SPHK2: variants seen among roughly 807,000 people sequenced by gnomAD.
SPHK2 encodes sphingosine kinase 2.
A neutral mutation model predicts 32.3 loss-of-function variants in SPHK2; 18 were observed. The observed-to-expected ratio is 0.56, with a 90% CI of 0.39 to 0.83. The LOEUF (loss-of-function observed/expected upper bound fraction) is 0.83, where lower values mean the gene tolerates loss of function less well. Ranked by LOEUF, SPHK2 falls within the 40% of genes least tolerant of loss-of-function variation. The pLI is 0.00. For missense variants in SPHK2, 850 were observed against 908.7 expected, an observed-to-expected ratio of 0.94 and a Z score of 0.83; for synonymous variants, 462 against 417.6, an observed-to-expected ratio of 1.11 and a Z score of -1.30.
intron 2 of SPHK2, chr19:48,625,373 G>C: frequency 8.7e-7 from 1 of 1,152,688 alleles, no homozygotes; most frequent in Non-Finnish European, 1.1e-6. Flanking sequence ...TGATTGTTTT[G>C]CTGTTTTACC....
At chr19:48,622,757 C>CTTTTTTTTTTTTT (rs779108312) in intron 2 of SPHK2, among the ~76,000 whole-genome samples, 1 of 108,546 alleles carries the variant, frequency 9.2e-6, no homozygotes, top group Non-Finnish European at 1.9e-5. Context: ...ATTTGTCTCT[C>CTTTTTTTTTTTTT]TTTTTTTTTT....
chr19:48,630,321 T>C lies in SPHK2; in HGVS notation c.*548T>C. 7.7e-7 allele frequency: 1 copy of C among 1,305,910 alleles called. No individual in the cohort carries two copies. The highest frequency in any genetic ancestry group is 9.7e-7 in the Non-Finnish European group (1 of 1,028,274). The allele number at this position is 1,305,910 out of a possible 1,614,324, so 80.9% of individuals were successfully genotyped here. A position where few individuals can be genotyped will look rare whatever the true frequency, so the allele number is the denominator to read the frequency against. On this transcript the variant is annotated 3_prime_UTR_variant, in exon 7 of 7. Coordinates refer to ENST00000245222, the MANE Select transcript of SPHK2 (RefSeq NM_020126.5). The surrounding 1 kb of genome is among the most constrained non-coding windows in gnomAD (Gnocchi z 4.9). ...GGGGCGGGGAAATTCATATCCCCTG[T>C]TCGTCTCATGCGCGTCCTCCGTCCC... is the stretch of plus-strand genomic sequence containing the variant.
chr19:48,629,727 G>C lies in SPHK2; in HGVS notation c.1919G>C (p.Gly640Ala), dbSNP rs1159402494. 6.2e-7 allele frequency: 1 copy of C among 1,602,800 alleles called. No homozygotes were observed. Residue 640 changes from glycine (G) to alanine (A), a missense_variant, in exon 7 of 7, where the codon GGT (glycine) becomes GCT (alanine). By Grantham distance (60) the Gly-to-Ala change is moderately conservative (BLOSUM62 0). Transcript: ENST00000245222. The part of the protein sequence containing the change: ...PLQAQMHPGI[G>A]TLLTGPPGCP... ...CAGGCACAGATGCACCCTGGCATCG[G>C]TACACTGCTCACTGGGCCTCCTGGC... is the stretch of plus-strand genomic sequence containing the variant.
At chr19:48,620,866 G>A in intron 2 of SPHK2, 2 of 253,054 alleles carry the variant, frequency 7.9e-6, no homozygotes, top group South Asian at 9.3e-5. Context: ...AGAGGTTGCA[G>A]TGAGCCGAGA....
Position 48,627,759 on chromosome 19 carries a change from G to A in SPHK2, c.579G>A (p.Arg193=). The change falls in exon 4 of 7, where the codon CGG becomes CGA. Residue 193 remains arginine (R), a synonymous_variant. Coordinates refer to ENST00000245222, the MANE Select transcript of SPHK2 (RefSeq NM_020126.5). ...LLLLVNPFGG[R]GLAWQWCKNH... The stretch of plus-strand genomic sequence containing the variant: ...TATTGGTCAATCCCTTTGGGGGTCG[G>A]GGCCTGGCCTGGCAGTGGTGTAAGA... 1 of 1,613,922 alleles carries A rather than the reference G, an allele frequency of 6.2e-7. No homozygotes were observed. The highest frequency in any genetic ancestry group is 8.5e-7 in the Non-Finnish European group (1 of 1,179,926).
chr19:48,629,679 AGC>A lies in SPHK2; in HGVS notation c.1872_1873del (p.Gln625GlyfsTer91). The A allele has an allele frequency of 1.2e-6, 2 of 1,608,388 alleles. No individual in the cohort carries two copies. Among genetic ancestry groups the A allele is most frequent in the Non-Finnish European group, 1.7e-6 (2 of 1,178,070 alleles). ...CGCGGCGTGCTCACAGTGGACGGGG[AGC>A]AGGTGGAGTATGGGCCGCTACAGGC... On this transcript the variant is annotated frameshift_variant, in exon 7 of 7. Coordinates refer to ENST00000245222, the MANE Select transcript of SPHK2 (RefSeq NM_020126.5). LOFTEE classifies it high-confidence loss of function.
In SPHK2 at chr19:48,628,214, C is replaced by A; in HGVS notation, c.809C>A (p.Pro270His). The part of the protein sequence containing the change: ...RPDWEEAVKM[P>H]VGILPCGSGN... Reference sequence around the variant, plus strand: ...GACTGGGAGGAAGCTGTGAAGATGCCTGTGGGCATCCTCCCCTGCGGCTCG... The same window carrying A: ...GACTGGGAGGAAGCTGTGAAGATGCATGTGGGCATCCTCCCCTGCGGCTCG... The change falls in exon 6 of 7, where the codon CCT becomes CAT. Residue 270 changes from proline to histidine, a missense_variant. Around this residue, in one of 2 missense-constraint regions of SPHK2, gnomAD observed 544 missense variants for 640.0 expected, o/e 0.85. Transcript: ENST00000245222. The surrounding 1 kb of genome is among the most constrained non-coding windows in gnomAD (Gnocchi z 5.2). 1.2e-6 allele frequency: 2 copies of A among 1,613,828 alleles called. No homozygotes were observed. The highest frequency in any genetic ancestry group is 1.7e-6 in the Non-Finnish European group (2 of 1,179,960).
intron 1 of SPHK2, 61 bp from the exon 2 acceptor site, chr19:48,620,341 C>G: frequency 1.8e-6 from 1 of 549,680 alleles, no homozygotes; most frequent in African/African-American, 1.9e-5. Context: ...GCACATTGAG[C>G]CTGGAAGGGC....
chr19:48,628,644 C>T lies in SPHK2; in HGVS notation c.873-37C>T, dbSNP rs369738114. The T allele has an allele frequency of 1.2e-4, 186 of 1,598,552 alleles. No homozygotes were observed. The Middle Eastern group carries it at 1.8e-3, about 16-fold the overall frequency. On this transcript the variant is annotated intron_variant, in intron 6 of 6. Transcript: ENST00000245222. This position sits in a 1 kb window ranked among gnomAD's most constrained non-coding sequence, Gnocchi z 5.2. ...CTCTTTCCCCAACCCCTGTTTGCTC[C>T]TTCCTTCTGTGTGTCCGTCCATCTC...
Position 48,628,794 on chromosome 19 carries a change from G to A in SPHK2, c.986G>A (p.Cys329Tyr). Residue 329 changes from cysteine to tyrosine, a missense_variant, in exon 7 of 7, where the codon TGT becomes TAT. This residue lies in a region of SPHK2 where 544 missense variants were observed against 640.0 expected (regional missense o/e 0.85). Transcript: ENST00000245222. This position sits in a 1 kb window ranked among gnomAD's most constrained non-coding sequence, Gnocchi z 5.2. Reference sequence around the variant, plus strand: ...GTGACGCTGGCCTCGGGCTCCCGCTGTTTCTCCTTCCTGTCTGTGGCCTGG... The same window carrying A: ...GTGACGCTGGCCTCGGGCTCCCGCTATTTCTCCTTCCTGTCTGTGGCCTGG... ...LSVTLASGSRCFSFLSVAWGF... is the reference protein window; with the variant it reads ...LSVTLASGSRYFSFLSVAWGF... The A allele has an allele frequency of 6.2e-7, 1 of 1,613,546 alleles. No individual in the cohort carries two copies. The highest frequency in any genetic ancestry group is 8.5e-7 in the Non-Finnish European group (1 of 1,180,006).
intron 2 of SPHK2, chr19:48,620,964 G>A (rs1974385126): frequency 6.1e-6 from 1 of 165,238 alleles, no homozygotes; most frequent in East Asian, 1.8e-4. Context: ...TGCCCAGGCT[G>A]GAAAGCAGTG....
chr19:48,624,940 G>T, intron 2 of SPHK2: 1 of 987,362 alleles, frequency 1.0e-6, no homozygotes, highest in African/African-American at 1.7e-5. Flanking sequence ...GCAGGTGGCT[G>T]GGCGGGGCAG....
intron 2 of SPHK2, chr19:48,620,962 C>A (rs1301937772): frequency 6.0e-6 from 1 of 165,878 alleles, no homozygotes; most frequent in African/African-American, 2.4e-5. Context: ...CTTGCCCAGG[C>A]TGGAAAGCAG....
rs1340571855 is a variant in SPHK2 at position 48,629,760 on chromosome 19, G to C, written c.1952G>C (p.Gly651Ala). 6.4e-7 allele frequency: 1 copy of C among 1,574,108 alleles called. No individual in the cohort carries two copies. The highest frequency in any genetic ancestry group is 8.6e-7 in the Non-Finnish European group (1 of 1,157,132). ...CTCACTGGGCCTCCTGGCTGCCCGG[G>C]GCGGGAGCCCTGAAACTAAACAAGC... is the stretch of plus-strand genomic sequence containing the variant. ...TLLTGPPGCP[G>A]REP The change falls in exon 7 of 7, where the codon GGG becomes GCG. Residue 651 changes from glycine to alanine, a missense_variant. Transcript: ENST00000245222.
At chr19:48,622,745 AC>A (rs1451232262) in intron 2 of SPHK2, among the ~76,000 whole-genome samples, 1 of 143,528 alleles carries the variant, frequency 7.0e-6, no homozygotes, top group African/African-American at 2.6e-5. Flanking sequence ...ACTTCTTCCT[AC>A]ATTTGTCTCT....
Position 48,629,032 on chromosome 19 carries a change from C to T in SPHK2, c.1224C>T (p.Ala408=). The T allele has an allele frequency of 6.2e-7, 1 of 1,613,442 alleles. No individual in the cohort carries two copies. The highest frequency in any genetic ancestry group is 8.5e-7 in the Non-Finnish European group (1 of 1,179,806). The change falls in exon 7 of 7, where the codon GCC becomes GCT. Residue 408 remains alanine (A), a synonymous_variant. Transcript: ENST00000245222. ...AGCTGACCCTAACCCCAGACCCAGC[C>T]CCGCCCATGGCCCACTCACCCCTGC... ...KSELTLTPDP[A]PPMAHSPLHR... is the part of the protein sequence containing the mutation.
At position 48,625,939 on chromosome 19, in the gene SPHK2, A is replaced by G; in HGVS notation, c.88A>G (p.Thr30Ala). 1 of 1,611,950 alleles carries G rather than the reference A, an allele frequency of 6.2e-7. No individual in the cohort carries two copies. Among genetic ancestry groups the G allele is most frequent in the Non-Finnish European group, 8.5e-7 (1 of 1,179,498 alleles). The part of the protein sequence containing the change: ...TGSWGHGPRS[T>A]LVRAKAMAPP... ...GAGCTGGGGCCACGGGCCTAGGAGCACCCTGGTCAGGGCTAAGGCCATGGC... is the reference window on the plus strand; with the variant it reads ...GAGCTGGGGCCACGGGCCTAGGAGCGCCCTGGTCAGGGCTAAGGCCATGGC... Residue 30 changes from threonine to alanine, a missense_variant, in exon 3 of 7, where the codon ACC (threonine) becomes GCC (alanine). Thr to Ala is a moderately conservative substitution (Grantham distance 58). Around this residue, in one of 2 missense-constraint regions of SPHK2, gnomAD observed 544 missense variants for 640.0 expected, o/e 0.85. Transcript: ENST00000245222.
chr19:48,629,447 A>C lies in SPHK2; in HGVS notation c.1639A>C (p.Ser547Arg). 1 of 1,609,388 alleles carries C rather than the reference A, an allele frequency of 6.2e-7. No individual in the cohort carries two copies. Among genetic ancestry groups the C allele is most frequent in the African/African-American group, 1.3e-5 (1 of 74,996 alleles). ...TGTGCTCATGTTGGCCATCTCGCCC[A>C]GCCACCTAGGCGCTGACCTGGTGGC... is the stretch of plus-strand genomic sequence containing the variant. The part of the protein sequence containing the change: ...DFVLMLAISP[S>R]HLGADLVAAP... The change falls in exon 7 of 7, where the codon AGC (serine) becomes CGC (arginine). Residue 547 changes from serine to arginine, a missense_variant. Physicochemically the swap from Ser to Arg is moderately radical, Grantham distance 110. Coordinates refer to ENST00000245222, the MANE Select transcript of SPHK2 (RefSeq NM_020126.5).
In SPHK2 at chr19:48,629,966, G is replaced by A. The variant is rs2030454437; in HGVS notation, c.*193G>A. 11 of 1,410,376 alleles carry A rather than the reference G, an allele frequency of 7.8e-6. No individual in the cohort carries two copies. The East Asian group carries it at 1.5e-4, about 20-fold the overall frequency. The allele number at this position is 1,410,376 out of a possible 1,614,324, so 87.4% of individuals were successfully genotyped here. A position where few individuals can be genotyped will look rare whatever the true frequency, so the allele number is the denominator to read the frequency against. ...CGTCGTCACGGTTAAAGAGAAATGG[G>A]CTCGTCCCGAGGGTAGTGCCTGATC... On this transcript the variant is annotated 3_prime_UTR_variant, in exon 7 of 7. Coordinates refer to ENST00000245222, the MANE Select transcript of SPHK2 (RefSeq NM_020126.5).
Sources: gnomAD v4.1 joint callset for allele counts (sites outside exome capture counted in the v4.1 genomes callset) on GRCh38, gnomAD v4.1.1 for gene constraint, gnomAD v4.1.1 regional missense constraint, Gnocchi (gnomAD v3.1) non-coding constraint, MANE v1.5 for transcripts, NCBI Gene and HGNC (gene_info 2026-07-23, HGNC 2026-07-21) for gene names.